The following PIK3R5 variants were observed in gnomAD, a reference collection of about 807,000 sequenced individuals.
The protein encoded by PIK3R5 is phosphoinositide 3-kinase regulatory subunit 5.
Under a neutral mutation model 94.9 loss-of-function variants are expected in PIK3R5, and 32 were observed. The ratio of observed to expected loss-of-function variants is 0.34; its 90% CI spans 0.25 to 0.45. PIK3R5 has a LOEUF of 0.45. PIK3R5 is among the 20% of genes least tolerant of loss of function. The pLI is 1.00. For synonymous variants in PIK3R5, 443 were observed against 479.4 expected (o/e 0.92, Z 0.99); for missense variants, 853 against 1,144.6 (o/e 0.75, Z 3.68).
chr17:8,960,516 A>G lies in PIK3R5; in HGVS notation c.-14+5080T>C, dbSNP rs377614570. Among the ~76,000 whole-genome samples, 7 of 152,388 alleles carry G rather than the reference A, an allele frequency of 4.6e-5. No individual in the cohort carries two copies. In the East Asian group the frequency reaches 1.2e-3, roughly 25 times the overall value. On this transcript the variant is annotated intron_variant, in intron 1 of 18. Coordinates refer to ENST00000447110, the MANE Select transcript of PIK3R5 (RefSeq NM_001142633.3). The stretch of plus-strand genomic sequence containing the variant: ...AGAGCTTGGCACATGCCTGGCTCAC[A>G]GAAGGTGCGCTCCATGCAGAAGTGT...
At chr17:8,933,463 T>A (rs1254159965) in intron 1 of PIK3R5, among the ~76,000 whole-genome samples, 2 of 152,178 alleles carry the variant, frequency 1.3e-5, no homozygotes, top group Non-Finnish European at 1.5e-5. Context: ...AAAGCTATTG[T>A]ATCAAACCTT....
At position 8,888,312 on chromosome 17, in the gene PIK3R5, A is replaced by G. The variant is rs1426787579; in HGVS notation, c.1475T>C (p.Leu492Pro). Reference protein sequence around the residue: ...PKLGTQLPSWLLAPASRPQRR... With the variant: ...PKLGTQLPSWPLAPASRPQRR... ...CTGGGGGCGTGAAGCAGGGGCCAGA[A>G]GCCAGCTGGGCAGCTGGGTACCGAG... The change falls in exon 10 of 19, where the codon CTT becomes CCT. Residue 492 changes from leucine (L) to proline (P), a missense_variant. This residue lies in a region of PIK3R5 where 319 missense variants were observed against 339.8 expected (regional missense o/e 0.94). Coordinates refer to ENST00000447110, the MANE Select transcript of PIK3R5 (RefSeq NM_001142633.3). This position sits in a 1 kb window ranked among gnomAD's most constrained non-coding sequence, Gnocchi z 7.8. 1 of 1,612,996 alleles carries G rather than the reference A, an allele frequency of 6.2e-7. No homozygotes were observed.
chr17:8,886,457 TC>T lies in PIK3R5; in HGVS notation c.2034+19del, dbSNP rs767839535. On this transcript the variant is annotated intron_variant, in intron 13 of 18. Transcript: ENST00000447110. ...GCCCGGCAGGTGGGGAAGAGGCGGT[TC>T]GGGGCAGGGAGGCCTTACCTCGGTC... 5.9e-5 allele frequency: 94 copies of T among 1,597,244 alleles called. No individual in the cohort carries two copies. The highest frequency in any genetic ancestry group is 7.8e-5 in the Non-Finnish European group (91 of 1,170,750).
intron 5 of PIK3R5, among the ~76,000 whole-genome samples, chr17:8,902,116 G>A (rs993414185): frequency 5.3e-5 from 8 of 151,116 alleles, no homozygotes; most frequent in Non-Finnish European, 1.0e-4. Flanking sequence ...TTTTCTTTAT[G>A]AGTAGTGAGG....
Position 8,888,860 on chromosome 17 carries a change from C to T in PIK3R5, c.927G>A (p.Gln309=), listed in dbSNP as rs1249527577. 1.2e-6 allele frequency: 2 copies of T among 1,603,978 alleles called. No homozygotes were observed. The highest frequency in any genetic ancestry group is 1.7e-4 in the Middle Eastern group (1 of 6,058). ...CCAGGATCCCTGGCTGGAGTAGCTC[C>T]TGTTCCTTGAGCAGGATTTCCTGCA... ...DILQEILLKE[Q]ELLQPGILGD... The change falls in exon 10 of 19, where the codon CAG becomes CAA. Residue 309 remains glutamine (Q), a synonymous_variant. Transcript: ENST00000447110. The surrounding 1 kb of genome is among the most constrained non-coding windows in gnomAD (Gnocchi z 7.8).
At chr17:8,960,632 T>C (rs934512244) in intron 1 of PIK3R5, among the ~76,000 whole-genome samples, 2 of 152,236 alleles carry the variant, frequency 1.3e-5, no homozygotes, top group Non-Finnish European at 2.9e-5. Flanking sequence ...GAAACTGACA[T>C]GCAGAGAGGT....
chr17:8,915,746 C>G (rs571797329), intron 1 of PIK3R5: 1 of 152,304 alleles, frequency 6.6e-6, no homozygotes, highest in Admixed American at 6.5e-5. Flanking sequence ...TCACTCATTA[C>G]GTGTCCCACA....
chr17:8,880,881 C>T, intron 18 of PIK3R5, 24 bp downstream of exon 18: 1 of 1,610,846 alleles, frequency 6.2e-7, no homozygotes, highest in Non-Finnish European at 8.5e-7. Context: ...AACTGCTCCC[C>T]TCCCTAGGAC....
chr17:8,888,627 A>G lies in PIK3R5; in HGVS notation c.1160T>C (p.Met387Thr). The G allele has an allele frequency of 3.7e-6, 6 of 1,613,202 alleles. 1 individual carries two copies. In the South Asian group the frequency reaches 5.5e-5, roughly 15 times the overall value. Residue 387 changes from methionine (M) to threonine (T), a missense_variant, in exon 10 of 19, where the codon ATG (methionine) becomes ACG (threonine). Met to Thr is a moderately conservative substitution (Grantham distance 81, BLOSUM62 -1). Coordinates refer to ENST00000447110, the MANE Select transcript of PIK3R5 (RefSeq NM_001142633.3). This position sits in a 1 kb window ranked among gnomAD's most constrained non-coding sequence, Gnocchi z 7.8. The part of the protein sequence containing the change: ...TSFVSGLSDG[M>T]DSGYVEDSEE... ...GCTGTCCTCCACGTAGCCGCTGTCC[A>G]TGCCATCAGAGAGGCCTGAGACAAA...
chr17:8,927,523 G>A (rs2090907844), intron 1 of PIK3R5, among the ~76,000 whole-genome samples: 1 of 152,288 alleles, frequency 6.6e-6, no homozygotes, highest in East Asian at 1.9e-4. Context: ...ACAGTAAAGA[G>A]ACACCTCCAT....
intron 1 of PIK3R5, among the ~76,000 whole-genome samples, chr17:8,943,981 G>C (rs553490222): frequency 6.6e-6 from 1 of 151,122 alleles, no homozygotes; most frequent in African/African-American, 2.4e-5. Context: ...AGATTACTTC[G>C]TCACCCAGGT....
chr17:8,901,020 T>C (rs1220812085), intron 5 of PIK3R5, among the ~76,000 whole-genome samples: 1 of 152,214 alleles, frequency 6.6e-6, no homozygotes, highest in Non-Finnish European at 1.5e-5. Flanking sequence ...ATTCTTTCTC[T>C]GAGCGTACTC....
At chr17:8,929,730 G>T (rs1169443893) in intron 1 of PIK3R5, among the ~76,000 whole-genome samples, 3 of 152,122 alleles carry the variant, frequency 2.0e-5, no homozygotes, top group Admixed American at 2.0e-4. Flanking sequence ...AATACCACAT[G>T]TTCTCACTTT....
rs1235237095 is a variant in PIK3R5, at chr17:8,881,498, AGTATGTACACACGGGTGT to A, written c.2382+114_2382+131del. 1.3e-6 allele frequency: 1 copy of A among 752,488 alleles called. No individual in the cohort carries two copies. Among genetic ancestry groups the A allele is most frequent in the African/African-American group, 1.7e-5 (1 of 57,922 alleles). 46.6% of individuals were successfully genotyped at this position (752,488 alleles called of 1,614,324 possible). A position where few individuals can be genotyped will look rare whatever the true frequency, so the allele number is the denominator to read the frequency against. On this transcript the variant is annotated intron_variant, in intron 17 of 18. Coordinates refer to ENST00000447110, the MANE Select transcript of PIK3R5 (RefSeq NM_001142633.3). The surrounding 1 kb of genome is among the most constrained non-coding windows in gnomAD (Gnocchi z 4.8). The stretch of plus-strand genomic sequence containing the variant: ...CTCCTCTCTCTCTCACACACACACA[AGTATGTACACACGGGTGT>A]GTATGTGCACACATGCACACACATA...
At position 8,888,979 on chromosome 17, in the gene PIK3R5, A is replaced by G. The variant is rs1273509984; in HGVS notation, c.896-88T>C. 5 of 1,535,656 alleles carry G rather than the reference A, an allele frequency of 3.3e-6. No individual in the cohort carries two copies. The Admixed American group carries it at 7.5e-5, about 23-fold the overall frequency. ...CTTTGGAGGGGAGACAGCAGGACTC[A>G]GGGCCAGCCCAGGACTCCTAGCACT... On this transcript the variant is annotated intron_variant, in intron 9 of 18. Transcript: ENST00000447110. The surrounding 1 kb of genome is among the most constrained non-coding windows in gnomAD (Gnocchi z 7.8).
At position 8,920,206 on chromosome 17, in the gene PIK3R5, C is replaced by T. The variant is rs77616231; in HGVS notation, c.-13-8699G>A. ...GCCCAGAGTGCTTTCTTAACACACA[C>T]ATCTCACCTGCCCAACTCTTGATGT... On this transcript the variant is annotated intron_variant, in intron 1 of 18. Coordinates refer to ENST00000447110, the MANE Select transcript of PIK3R5 (RefSeq NM_001142633.3). Among the ~76,000 whole-genome samples the T allele has an allele frequency of 7.2e-3, 1,092 of 152,150 alleles. 13 individuals are homozygous for T. The highest frequency in any genetic ancestry group is 0.025 in the African/African-American group (1,046 of 41,510).
chr17:8,906,341 A>G (rs552083288), intron 3 of PIK3R5, among the ~76,000 whole-genome samples: 1 of 152,338 alleles, frequency 6.6e-6, no homozygotes, highest in Admixed American at 6.5e-5. Flanking sequence ...TATTATAAGT[A>G]AATTTCTGTT....
At position 8,879,337 on chromosome 17, in the gene PIK3R5, T is replaced by C. The variant is rs2047057152; in HGVS notation, c.*1302A>G. ...AGCTTCTCAAACCACTTCAAGCTGG[T>C]TGCTTTGAATTTCAGACTCTCGTGT... is the stretch of plus-strand genomic sequence containing the variant. On this transcript the variant is annotated 3_prime_UTR_variant, in exon 19 of 19. Coordinates refer to ENST00000447110, the MANE Select transcript of PIK3R5 (RefSeq NM_001142633.3). The surrounding 1 kb of genome is among the most constrained non-coding windows in gnomAD (Gnocchi z 4.4). 6.6e-6 allele frequency: 1 copy of C among 152,196 alleles called. No individual in the cohort carries two copies. The highest frequency in any genetic ancestry group is 6.5e-5 in the Admixed American group (1 of 15,278). The allele number at this position is 152,196 out of a possible 1,614,324, so 9.4% of individuals were successfully genotyped here.
chr17:8,885,908 C>A (rs2089833028), intron 14 of PIK3R5, among the ~76,000 whole-genome samples: 2 of 137,300 alleles, frequency 1.5e-5, no homozygotes, highest in Non-Finnish European at 3.1e-5. Context: ...CTCCCCAAGG[C>A]CCCACCTACC....
Sources: allele counts gnomAD v4.1 joint callset (sites outside exome capture counted in the v4.1 genomes callset), GRCh38; gene constraint gnomAD v4.1.1; regional missense constraint gnomAD v4.1.1; non-coding constraint Gnocchi (gnomAD v3.1); transcripts MANE v1.5; gene names NCBI Gene and HGNC (gene_info 2026-07-23, HGNC 2026-07-21).